CGNL1: variants seen among roughly 807,000 people sequenced by gnomAD.
The protein encoded by CGNL1 is cingulin-like protein 1.
CGNL1 carries 132 observed loss-of-function variants against 141.2 expected under a neutral mutation model. The ratio of observed to expected loss-of-function variants is 0.93; its 90% CI spans 0.81 to 1.08. The LOEUF is 1.08. Among genes scored for constraint, CGNL1 ranks in the 50% least tolerant of loss-of-function variants. The pLI is 0.00. For missense variants in CGNL1, 1,870 were observed against 1,588.6 expected (o/e 1.18, Z -3.01); for synonymous variants, 690 against 622.1 (o/e 1.11, Z -1.63).
chr15:57,461,333 C>A (rs953113052), intron 7 of CGNL1, among the ~76,000 whole-genome samples: 1 of 152,132 alleles, frequency 6.6e-6, no homozygotes, highest in African/African-American at 2.4e-5. Context: ...ACAGCACACA[C>A]AGGGCAAGAG....
chr15:57,517,935 TG>T (rs1392873817), intron 9 of CGNL1, among the ~76,000 whole-genome samples: 1 of 144,776 alleles, frequency 6.9e-6, no homozygotes, highest in African/African-American at 2.5e-5. Flanking sequence ...ACTGTGTGTG[TG>T]GGGGTCCATT....
At chr15:57,398,727 A>C (rs1380934728) in intron 1 of CGNL1, among the ~76,000 whole-genome samples, 1 of 152,240 alleles carries the variant, frequency 6.6e-6, no homozygotes, top group African/African-American at 2.4e-5. Flanking sequence ...GAAGGTACAC[A>C]TACCTCTATT....
intron 1 of CGNL1, among the ~76,000 whole-genome samples, chr15:57,423,868 T>C (rs930385961): frequency 2.0e-5 from 3 of 152,226 alleles, no homozygotes; most frequent in African/African-American, 7.2e-5. Flanking sequence ...TCCACGATTC[T>C]GCATCTCTCA....
intron 1 of CGNL1, among the ~76,000 whole-genome samples, chr15:57,416,205 T>TG (rs2062847477): frequency 2.1e-5 from 3 of 141,864 alleles, no homozygotes; most frequent in Admixed American, 6.9e-5. Context: ...GTGTTTTTTT[T>TG]TTTTTTTTTT....
At position 57,442,182 on chromosome 15, in the gene CGNL1, G is replaced by GGAAAAAAAAAAAAAAAAAAAAAAAAAAAA. The variant is rs1491455852; in HGVS notation, c.1698-191_1698-190insGAAAAAAAAAAAAAAAAAAAAAAAAAAAA. ...TTGAGTGGTAACACATCATTTATTT[G>GGAAAAAAAAAAAAAAAAAAAAAAAAAAAA]AAAAAAAAAAAAAAAAAAAAAGACA... On this transcript the variant is annotated intron_variant, in intron 3 of 18. Coordinates refer to ENST00000281282, the MANE Select transcript of CGNL1 (RefSeq NM_032866.5). Among the ~76,000 whole-genome samples the GGAAAAAAAAAAAAAAAAAAAAAAAAAAAA allele has an allele frequency of 1.2e-3, 117 of 96,464 alleles. 8 individuals are homozygous for GGAAAAAAAAAAAAAAAAAAAAAAAAAAAA. Among genetic ancestry groups the GGAAAAAAAAAAAAAAAAAAAAAAAAAAAA allele is most frequent in the East Asian group, 3.2e-3 (9 of 2,808 alleles). 63.3% of individuals were successfully genotyped at this position (96,464 alleles called of 152,430 possible). A position where few individuals can be genotyped will look rare whatever the true frequency, so the allele number is the denominator to read the frequency against.
intron 1 of CGNL1, among the ~76,000 whole-genome samples, chr15:57,423,353 C>T (rs1298594372): frequency 6.6e-6 from 1 of 152,156 alleles, no homozygotes; most frequent in Non-Finnish European, 1.5e-5. Flanking sequence ...GTAAACACAT[C>T]CCTGGAGAGA....
intron 8 of CGNL1, among the ~76,000 whole-genome samples, chr15:57,466,199 AAC>A (rs2063509769): frequency 2.0e-5 from 3 of 152,206 alleles, no homozygotes; most frequent in Admixed American, 2.0e-4. Flanking sequence ...CTTATTTCAT[AAC>A]ATGCTTTTTT....
At chr15:57,485,052 G>A (rs28689054) in intron 8 of CGNL1, among the ~76,000 whole-genome samples, 51,296 of 151,056 alleles carry the variant, frequency 0.34, 9,013 homozygotes, top group Middle Eastern at 0.39. Flanking sequence ...TAGGAGCTTC[G>A]ATTATTGAAT....
intron 1 of CGNL1, among the ~76,000 whole-genome samples, chr15:57,423,673 C>T (rs148354586): frequency 1.3e-5 from 2 of 152,220 alleles, no homozygotes; most frequent in African/African-American, 4.8e-5. Context: ...GCATCCCCAG[C>T]TTCTCTGGGC....
At position 57,523,507 on chromosome 15, in the gene CGNL1, A is replaced by G. The variant is rs1318552475; in HGVS notation, c.2734A>G (p.Thr912Ala). Residue 912 changes from threonine to alanine, a missense_variant, in exon 11 of 19, where the codon ACC (threonine) becomes GCC (alanine). By Grantham distance (58) the Thr-to-Ala change is moderately conservative (BLOSUM62 0). Transcript: ENST00000281282. ...TTTGCAGGGAAATCTGAGTCAGACTACCCAGGAGCAGAAGCAGTTGTCTGA... is the reference window on the plus strand; with the variant it reads ...TTTGCAGGGAAATCTGAGTCAGACTGCCCAGGAGCAGAAGCAGTTGTCTGA... ...EAAQGNLSQT[T>A]QEQKQLSEKL... The G allele has an allele frequency of 6.2e-7, 1 of 1,614,206 alleles. No homozygotes were observed. Among genetic ancestry groups the G allele is most frequent in the East Asian group, 2.2e-5 (1 of 44,888 alleles).
At chr15:57,461,597 G>T (rs1481989905) in intron 7 of CGNL1, 83 bp from the exon 8 acceptor site, 10 of 1,141,396 alleles carry the variant, frequency 8.8e-6, no homozygotes, top group Admixed American at 1.7e-5. Context: ...TGTGCACATG[G>T]GGACTGAACT....
At chr15:57,447,630 A>G (rs185832322) in intron 4 of CGNL1, among the ~76,000 whole-genome samples, 176 of 152,272 alleles carry the variant, frequency 1.2e-3, no homozygotes, top group African/African-American at 4.2e-3. Context: ...TTGGGGTTCA[A>G]TGAGCTCTCG....
intron 1 of CGNL1, among the ~76,000 whole-genome samples, chr15:57,384,260 C>T (rs1319778813): frequency 1.3e-5 from 2 of 152,074 alleles, no homozygotes; most frequent in Non-Finnish European, 2.9e-5. Flanking sequence ...AGAGAGTTGC[C>T]AGACACTTTC....
At chr15:57,379,812 AT>A (rs2152211049) in intron 1 of CGNL1, among the ~76,000 whole-genome samples, 1 of 152,250 alleles carries the variant, frequency 6.6e-6, no homozygotes, top group African/African-American at 2.4e-5. Flanking sequence ...AATCCTGAAA[AT>A]GGAAAAGGAA....
At chr15:57,524,487 G>A in intron 11 of CGNL1, 94 bp from the exon 12 acceptor site, 8 of 1,164,022 alleles carry the variant, frequency 6.9e-6, no homozygotes, top group Non-Finnish European at 9.8e-6. Flanking sequence ...TAGAAGAAAG[G>A]GAGAAGAGGA....
intron 16 of CGNL1, among the ~76,000 whole-genome samples, chr15:57,544,979 GTA>G (rs2032777583): frequency 6.6e-6 from 1 of 152,246 alleles, no homozygotes; most frequent in South Asian, 2.1e-4. Context: ...GCGGCCAGGT[GTA>G]TTTAAGCAGA....
intron 8 of CGNL1, among the ~76,000 whole-genome samples, chr15:57,515,491 C>A (rs2030697897): frequency 6.6e-6 from 1 of 152,318 alleles, no homozygotes; most frequent in Non-Finnish European, 1.5e-5. Context: ...TAACCTTGTC[C>A]TCCCTGGGCC....
intron 14 of CGNL1, among the ~76,000 whole-genome samples, chr15:57,542,556 T>G (rs1178747877): frequency 1.3e-5 from 2 of 152,238 alleles, no homozygotes; most frequent in East Asian, 3.8e-4. Context: ...GAGGAAACCC[T>G]CAGGAGTGTT....
At chr15:57,466,898 T>C (rs1416557646) in intron 8 of CGNL1, among the ~76,000 whole-genome samples, 3 of 152,188 alleles carry the variant, frequency 2.0e-5, no homozygotes, top group Admixed American at 6.5e-5. Context: ...GCCACTTTTA[T>C]TTTTGTGCCA....
Sources: gnomAD v4.1 joint callset for allele counts (sites outside exome capture counted in the v4.1 genomes callset) on GRCh38, gnomAD v4.1.1 for gene constraint, MANE v1.5 for transcripts, NCBI Gene and HGNC (gene_info 2026-07-23, HGNC 2026-07-21) for gene names.